RABGAP1L: variants seen among roughly 807,000 people sequenced by gnomAD.
RABGAP1L encodes rab GTPase-activating protein 1-like.
Under a neutral mutation model 137.7 loss-of-function variants are expected in RABGAP1L, and 63 were observed. The ratio of observed to expected loss-of-function variants is 0.46; its 90% CI spans 0.37 to 0.56. The LOEUF (loss-of-function observed/expected upper bound fraction) is 0.56, where lower values mean the gene tolerates loss of function less well. Ranked by LOEUF, RABGAP1L falls within the 20% of genes least tolerant of loss-of-function variation. The probability of loss-of-function intolerance (pLI) is 0.00; values close to 1 mark genes in which losing one functional copy is unlikely to be tolerated. For synonymous variants in RABGAP1L, 431 were observed against 433.7 expected, an observed-to-expected ratio of 0.99 and a Z score of 0.08; for missense variants, 1,095 against 1,244.0, an observed-to-expected ratio of 0.88 and a Z score of 1.80.
chr1:174,272,659 C>T (rs1040924297), intron 8 of RABGAP1L, among the ~76,000 whole-genome samples, 179 bp downstream of exon 8: 1 of 151,942 alleles, frequency 6.6e-6, no homozygotes, highest in Non-Finnish European at 1.5e-5. Flanking sequence ...GAATTCAGGA[C>T]AATTTCCACC....
At chr1:174,838,597 G>A (rs952825495) in intron 19 of RABGAP1L, among the ~76,000 whole-genome samples, 9 of 152,012 alleles carry the variant, frequency 5.9e-5, no homozygotes, top group Non-Finnish European at 1.0e-4. Flanking sequence ...TATTTGATAG[G>A]AGCAAACACC....
intron 13 of RABGAP1L, among the ~76,000 whole-genome samples, chr1:174,483,154 G>A (rs566914873): frequency 6.6e-6 from 1 of 152,120 alleles, no homozygotes; most frequent in African/African-American, 2.4e-5. Flanking sequence ...ATCCTTTTTA[G>A]TTGTTTTAAA....
intron 13 of RABGAP1L, among the ~76,000 whole-genome samples, chr1:174,450,502 A>G (rs1381174259): frequency 6.6e-6 from 1 of 152,212 alleles, no homozygotes; most frequent in African/African-American, 2.4e-5. Context: ...TTATTTAGAT[A>G]TTTATATTAG....
At chr1:174,581,070 T>C (rs1399612239) in intron 13 of RABGAP1L, among the ~76,000 whole-genome samples, 1 of 152,202 alleles carries the variant, frequency 6.6e-6, no homozygotes, top group Non-Finnish European at 1.5e-5. Context: ...ACACTGCTGG[T>C]TGGAATGTCA....
At chr1:174,631,864 C>G (rs1403445318) in intron 13 of RABGAP1L, among the ~76,000 whole-genome samples, 1 of 150,096 alleles carries the variant, frequency 6.7e-6, no homozygotes, top group Non-Finnish European at 1.5e-5. Flanking sequence ...CAGTCTGTGT[C>G]TTTTAATTGG....
rs138553087 is a variant in RABGAP1L at position 174,635,558 on chromosome 1, T to G, written c.1711-1817T>G. ...ATACCCCCACCCCACCCTGCAGTTT[T>G]CTTTATCATTAGAAACTACATTTAC... On this transcript the variant is annotated intron_variant, in intron 13 of 25. Transcript: ENST00000681986. Among the ~76,000 whole-genome samples the G allele has an allele frequency of 2.7e-3, 416 of 152,346 alleles. 5 individuals carry two copies. The highest frequency in any genetic ancestry group is 8.2e-3 in the African/African-American group (343 of 41,586).
intron 13 of RABGAP1L, among the ~76,000 whole-genome samples, chr1:174,617,738 G>A (rs1235555644): frequency 6.6e-6 from 1 of 152,184 alleles, no homozygotes; most frequent in Non-Finnish European, 1.5e-5. Context: ...ATTACCAGGG[G>A]GTGCAGCCAA....
rs557882834 is a variant in RABGAP1L, at chr1:174,437,161, C to T, written c.1710+43016C>T. Among the ~76,000 whole-genome samples the T allele has an allele frequency of 2.6e-5, 4 of 152,250 alleles. No individual in the cohort carries two copies. In the South Asian group the frequency reaches 8.3e-4, roughly 32 times the overall value. ...ACCGGAAACTCTAAAAATCAGAGTG[C>T]CTCTCCTCCTCCAAAGGAACGCAGC... On this transcript the variant is annotated intron_variant, in intron 13 of 25. Coordinates refer to ENST00000681986, the MANE Select transcript of RABGAP1L (RefSeq NM_001366446.1).
intron 13 of RABGAP1L, among the ~76,000 whole-genome samples, chr1:174,576,186 C>T (rs1050128134): frequency 4.6e-5 from 7 of 152,324 alleles, no homozygotes; most frequent in Admixed American, 4.6e-4. Context: ...GGCTAGACAA[C>T]TGGTTAGACC....
At chr1:174,938,843 G>T (rs1354832492) in intron 19 of RABGAP1L, among the ~76,000 whole-genome samples, 1 of 152,118 alleles carries the variant, frequency 6.6e-6, no homozygotes. Flanking sequence ...GGGAAGTGAG[G>T]GTTGAAATAC....
rs192853812 is a variant in RABGAP1L at position 174,179,399 on chromosome 1, T to C, written c.-34+19742T>C. On this transcript the variant is annotated intron_variant, in intron 1 of 25. Coordinates refer to ENST00000681986, the MANE Select transcript of RABGAP1L (RefSeq NM_001366446.1). ...CCACTCAAACAATTGCACAAGTGCA[T>C]TTTCTTCTGAAAACTATTATACTTT... 1.8e-4 allele frequency among the ~76,000 whole-genome samples: 27 copies of C among 152,356 alleles called. 1 individual carries two copies. The East Asian group carries it at 5.0e-3, about 28-fold the overall frequency.
intron 17 of RABGAP1L, among the ~76,000 whole-genome samples, chr1:174,744,451 A>C (rs538996107): frequency 1.3e-5 from 2 of 152,218 alleles, no homozygotes; most frequent in Non-Finnish European, 2.9e-5. Flanking sequence ...GAGAAGCCAA[A>C]TGGATTTTCT....
intron 13 of RABGAP1L, among the ~76,000 whole-genome samples, chr1:174,436,501 T>A (rs1458508340): frequency 1.3e-5 from 2 of 152,188 alleles, no homozygotes; most frequent in African/African-American, 4.8e-5. Context: ...TTGATGGGGT[T>A]GTTTGTTTTT....
At chr1:174,749,165 G>A (rs1337643222) in intron 17 of RABGAP1L, among the ~76,000 whole-genome samples, 1 of 133,926 alleles carries the variant, frequency 7.5e-6, no homozygotes, top group Non-Finnish European at 1.5e-5. Flanking sequence ...GACAGAGCAA[G>A]ACTCTGTCTC....
chr1:174,691,534 T>G (rs1678877459), intron 15 of RABGAP1L, among the ~76,000 whole-genome samples: 2 of 152,350 alleles, frequency 1.3e-5, no homozygotes, highest in Admixed American at 6.5e-5. Context: ...GTTTTGTATT[T>G]CATAAAGCCA....
intron 19 of RABGAP1L, among the ~76,000 whole-genome samples, chr1:174,920,286 AAGG>A (rs1261578031): frequency 6.6e-6 from 1 of 152,212 alleles, no homozygotes; most frequent in African/African-American, 2.4e-5. Context: ...GGCAGAAGGC[AAGG>A]AGGAGCAAGT....
intron 13 of RABGAP1L, among the ~76,000 whole-genome samples, chr1:174,443,387 CT>C (rs1654374074): frequency 6.6e-6 from 1 of 151,916 alleles, no homozygotes; most frequent in African/African-American, 2.4e-5. Context: ...GCGTTTGTTA[CT>C]TTTTGTCTTT....
intron 19 of RABGAP1L, among the ~76,000 whole-genome samples, chr1:174,828,640 T>C (rs542602702): frequency 6.1e-5 from 9 of 148,656 alleles, no homozygotes; most frequent in African/African-American, 2.2e-4. Flanking sequence ...CACAGAGATG[T>C]TGTAAGAATT....
chr1:174,179,145 A>G (rs913516415), intron 1 of RABGAP1L, among the ~76,000 whole-genome samples: 19 of 152,104 alleles, frequency 1.2e-4, no homozygotes, highest in African/African-American at 4.1e-4. Flanking sequence ...CCTGGGCTCA[A>G]GCGATCCTCT....
Sources: gnomAD v4.1 joint callset for allele counts (sites outside exome capture counted in the v4.1 genomes callset) on GRCh38, gnomAD v4.1.1 for gene constraint, MANE v1.5 for transcripts, NCBI Gene and HGNC (gene_info 2026-07-23, HGNC 2026-07-21) for gene names.